Variants in ADARB2 observed in about 807,000 individuals in gnomAD.
The protein encoded by ADARB2 is inactive double-stranded RNA-specific editase B2.
A neutral mutation model predicts 62.2 loss-of-function variants in ADARB2; 25 were observed. The ratio of observed to expected loss-of-function variants is 0.40; its 90% CI spans 0.29 to 0.56. The LOEUF (loss-of-function observed/expected upper bound fraction) is 0.56, where lower values mean the gene tolerates loss of function less well. ADARB2 is among the 20% of genes least tolerant of loss of function. The pLI is 0.43. For missense variants in ADARB2, 1,071 were observed against 1,077.4 expected (o/e 0.99, Z 0.08); for synonymous variants, 572 against 500.8 (o/e 1.14, Z -1.90).
At chr10:1,674,447 A>G (rs1219969758) in intron 1 of ADARB2, among the ~76,000 whole-genome samples, 3 of 152,226 alleles carry the variant, frequency 2.0e-5, no homozygotes, top group Admixed American at 1.3e-4. Flanking sequence ...TATTTGTTAT[A>G]ATATGGGCTT....
intron 1 of ADARB2, among the ~76,000 whole-genome samples, chr10:1,656,990 C>T (rs1834179070): frequency 8.9e-6 from 1 of 112,448 alleles, no homozygotes. Context: ...CAGTGGTACC[C>T]ATCTAGTGTT....
At position 1,178,432 on chromosome 10, in the gene ADARB2, C is replaced by G. The variant is rs1224685998; in HGVS notation, c.*4761G>C. The G allele has an allele frequency of 6.6e-6, 1 of 152,404 alleles. No individual in the cohort carries two copies. Among genetic ancestry groups the G allele is most frequent in the Non-Finnish European group, 1.5e-5 (1 of 68,148 alleles). The allele number at this position is 152,404 out of a possible 1,614,324, so 9.4% of individuals were successfully genotyped here. A position where few individuals can be genotyped will look rare whatever the true frequency, so the allele number is the denominator to read the frequency against. ...GCCTCTGCTCCTGCCTCCTCACTTCCCCACCATCCTTCCTTCACTTTCTCG... is the reference window on the plus strand; with the variant it reads ...GCCTCTGCTCCTGCCTCCTCACTTCGCCACCATCCTTCCTTCACTTTCTCG... On this transcript the variant is annotated 3_prime_UTR_variant, in exon 10 of 10. Coordinates refer to ENST00000381312, the MANE Select transcript of ADARB2 (RefSeq NM_018702.4).
chr10:1,579,514 T>C (rs1393849730), intron 1 of ADARB2, among the ~76,000 whole-genome samples: 1 of 152,200 alleles, frequency 6.6e-6, no homozygotes, highest in Non-Finnish European at 1.5e-5. Context: ...AGGCGCTCAA[T>C]GAAAGCGATC....
chr10:1,606,024 A>G (rs1259781530), intron 1 of ADARB2, among the ~76,000 whole-genome samples: 1 of 152,236 alleles, frequency 6.6e-6, no homozygotes. Flanking sequence ...TTTGTTAGTG[A>G]TTTAGTTTAA....
At chr10:1,433,475 C>A (rs1830797571) in intron 1 of ADARB2, among the ~76,000 whole-genome samples, 1 of 152,232 alleles carries the variant, frequency 6.6e-6, no homozygotes, top group Non-Finnish European at 1.5e-5. Flanking sequence ...AAGTCTCCTG[C>A]AACCCTCATC....
intron 1 of ADARB2, among the ~76,000 whole-genome samples, chr10:1,470,831 C>A (rs369838350): frequency 3.9e-5 from 6 of 152,252 alleles, no homozygotes; most frequent in Non-Finnish European, 2.9e-5. Context: ...GAGGCTGAGG[C>A]GGGTGGATCA....
chr10:1,732,566 C>T (rs1035899250), intron 1 of ADARB2, among the ~76,000 whole-genome samples: 3 of 152,198 alleles, frequency 2.0e-5, no homozygotes, highest in Non-Finnish European at 4.4e-5. Context: ...AAAAAAAGCA[C>T]CACACAATTA....
At chr10:1,364,003 C>A in intron 2 of ADARB2, 86 bp from the exon 3 acceptor site, 1 of 1,385,794 alleles carries the variant, frequency 7.2e-7, no homozygotes, top group East Asian at 2.9e-5. Flanking sequence ...GGGTCCCCGT[C>A]CCAGCGACCT....
chr10:1,552,286 C>T (rs116469587), intron 1 of ADARB2, among the ~76,000 whole-genome samples: 265 of 152,338 alleles, frequency 1.7e-3, no homozygotes, highest in African/African-American at 6.1e-3. Flanking sequence ...GATACAGCCT[C>T]GGGTTTCACT....
chr10:1,184,844 G>A lies in ADARB2; in HGVS notation c.2043+17C>T. On this transcript the variant is annotated intron_variant, in intron 9 of 9. Coordinates refer to ENST00000381312, the MANE Select transcript of ADARB2 (RefSeq NM_018702.4). ...CTGGCTGGGTCCAGTTTCCCTGCAA[G>A]GATGGGTGCGACCTACCCTGCCATA... 1.2e-6 allele frequency: 2 copies of A among 1,607,606 alleles called. No homozygotes were observed. Among genetic ancestry groups the A allele is most frequent in the Non-Finnish European group, 8.5e-7 (1 of 1,176,110 alleles).
chr10:1,437,891 C>G (rs1227609682), intron 1 of ADARB2, among the ~76,000 whole-genome samples: 2 of 152,120 alleles, frequency 1.3e-5, no homozygotes, highest in Non-Finnish European at 2.9e-5. Context: ...TCCAGTTAAG[C>G]TGAGCAGATC....
chr10:1,622,560 C>T (rs190848735), intron 1 of ADARB2, among the ~76,000 whole-genome samples: 1 of 151,910 alleles, frequency 6.6e-6, no homozygotes, highest in East Asian at 1.9e-4. Flanking sequence ...ATGTAGAAAA[C>T]AAAAACTTAA....
chr10:1,717,717 A>G (rs1162765859), intron 1 of ADARB2, among the ~76,000 whole-genome samples: 1 of 151,928 alleles, frequency 6.6e-6, no homozygotes, highest in Non-Finnish European at 1.5e-5. Flanking sequence ...AGCTGGGACT[A>G]CAAGCACACA....
intron 3 of ADARB2, among the ~76,000 whole-genome samples, chr10:1,314,004 C>G (rs758836871): frequency 1.3e-5 from 2 of 152,250 alleles, no homozygotes; most frequent in African/African-American, 2.4e-5. Flanking sequence ...CCAGCCTCCA[C>G]TCTTGAGGAA....
At chr10:1,227,969 G>T (rs1407260144) in intron 6 of ADARB2, among the ~76,000 whole-genome samples, 1 of 152,096 alleles carries the variant, frequency 6.6e-6, no homozygotes, top group Non-Finnish European at 1.5e-5. Context: ...GGATTATAAG[G>T]CCATTAAAAT....
chr10:1,396,702 C>G (rs1455616805), intron 1 of ADARB2, among the ~76,000 whole-genome samples: 1 of 144,136 alleles, frequency 6.9e-6, no homozygotes, highest in Non-Finnish European at 1.5e-5. Flanking sequence ...CCGTCTCTCC[C>G]CTCCCGAGCG....
intron 1 of ADARB2, among the ~76,000 whole-genome samples, chr10:1,512,170 T>C (rs898038696): frequency 6.6e-6 from 1 of 151,862 alleles, no homozygotes; most frequent in Admixed American, 6.6e-5. Context: ...ATACCAAGAC[T>C]TTGATACTGT....
At chr10:1,209,088 A>T (rs78776003) in intron 7 of ADARB2, among the ~76,000 whole-genome samples, 2,633 of 151,538 alleles carry the variant, frequency 0.017, 32 homozygotes, top group Middle Eastern at 0.041. Flanking sequence ...ATCCTTCTGA[A>T]TGGCGGAGAA....
chr10:1,679,020 C>G (rs1834503472), intron 1 of ADARB2, among the ~76,000 whole-genome samples: 1 of 152,192 alleles, frequency 6.6e-6, no homozygotes, highest in Non-Finnish European at 1.5e-5. Flanking sequence ...CTGTCCTTTC[C>G]CATCAGCTTC....
Sources: gnomAD v4.1 joint callset for allele counts (sites outside exome capture counted in the v4.1 genomes callset) on GRCh38, gnomAD v4.1.1 for gene constraint, MANE v1.5 for transcripts, NCBI Gene and HGNC (gene_info 2026-07-23, HGNC 2026-07-21) for gene names.